Variants in NUMB observed in about 807,000 individuals in gnomAD.
The protein encoded by NUMB is protein numb homolog.
In NUMB, 29 loss-of-function variants were observed where a neutral mutation model predicts 59.7. That is an observed-to-expected ratio of 0.49 (90% CI 0.36 to 0.66). The LOEUF (loss-of-function observed/expected upper bound fraction) is 0.66, where lower values mean the gene tolerates loss of function less well. NUMB is among the 30% of genes least tolerant of loss of function. NUMB has a pLI of 0.00. For missense variants in NUMB, 723 were observed against 822.0 expected (o/e 0.88, Z 1.47); for synonymous variants, 288 against 288.2 (o/e 1.00, Z 0.01).
At chr14:73,363,372 A>C in intron 3 of NUMB, among the ~76,000 whole-genome samples, 1 of 152,172 alleles carries the variant, frequency 6.6e-6, no homozygotes. Context: ...AACTGACCTA[A>C]CTAGAAACAC....
chr14:73,302,405 CTTTTTTTTTTTT>C (rs71112726), intron 6 of NUMB, among the ~76,000 whole-genome samples: 1 of 115,054 alleles, frequency 8.7e-6, no homozygotes, highest in African/African-American at 3.5e-5. Flanking sequence ...TTCCACATTT[CTTTTTTTTTTTT>C]TTTTTTTTGA....
chr14:73,413,419 T>G (rs1463345300), intron 1 of NUMB, among the ~76,000 whole-genome samples: 2 of 151,864 alleles, frequency 1.3e-5, no homozygotes, highest in African/African-American at 4.8e-5. Context: ...AAAATCAGAT[T>G]TTACCAGAAC....
At chr14:73,384,128 C>T (rs974781335) in intron 2 of NUMB, among the ~76,000 whole-genome samples, 2 of 151,664 alleles carry the variant, frequency 1.3e-5, no homozygotes, top group African/African-American at 4.8e-5. Flanking sequence ...CCCAATAAAA[C>T]TATCCTTTTA....
intron 1 of NUMB, among the ~76,000 whole-genome samples, chr14:73,445,999 C>CTT (rs746539232): frequency 1.6e-4 from 23 of 139,854 alleles, no homozygotes; most frequent in African/African-American, 3.4e-4. Context: ...ATAACTTTTT[C>CTT]TTTTTTTTTT....
At chr14:73,350,385 C>A (rs1313356906) in intron 4 of NUMB, among the ~76,000 whole-genome samples, 1 of 151,670 alleles carries the variant, frequency 6.6e-6, no homozygotes, top group Non-Finnish European at 1.5e-5. Context: ...GTTGCCCAGG[C>A]TGGTCTCGAA....
chr14:73,455,475 C>T (rs1884296189), intron 1 of NUMB, among the ~76,000 whole-genome samples: 2 of 152,180 alleles, frequency 1.3e-5, no homozygotes, highest in Admixed American at 1.3e-4. Context: ...AAGTTTACAA[C>T]ATGTACCACA....
At chr14:73,305,719 A>C (rs1303605086) in intron 6 of NUMB, among the ~76,000 whole-genome samples, 3 of 152,238 alleles carry the variant, frequency 2.0e-5, no homozygotes, top group Admixed American at 6.5e-5. Flanking sequence ...CACTCTCAGA[A>C]CAACAGTGAT....
intron 1 of NUMB, among the ~76,000 whole-genome samples, chr14:73,436,597 C>G (rs1399096848): frequency 6.6e-6 from 1 of 151,998 alleles, no homozygotes; most frequent in Admixed American, 6.6e-5. Context: ...AGATTACAAG[C>G]GTGAGCCACC....
chr14:73,278,534 T>C (rs763457668), intron 12 of NUMB, among the ~76,000 whole-genome samples: 8 of 151,250 alleles, frequency 5.3e-5, no homozygotes, highest in Non-Finnish European at 1.0e-4. Flanking sequence ...AAAAAAAAAC[T>C]TTTTGGTTTT....
chr14:73,390,501 C>T (rs1035283385), intron 2 of NUMB, among the ~76,000 whole-genome samples: 5 of 151,964 alleles, frequency 3.3e-5, no homozygotes, highest in Admixed American at 1.3e-4. Context: ...TCTTTGAAGC[C>T]TTCCCCAATC....
At chr14:73,383,038 T>G (rs1190594106) in intron 2 of NUMB, among the ~76,000 whole-genome samples, 1 of 152,078 alleles carries the variant, frequency 6.6e-6, no homozygotes, top group Non-Finnish European at 1.5e-5. Context: ...CCCAGCTACT[T>G]GGGAGGCTGA....
chr14:73,414,804 C>A (rs1897054786), intron 1 of NUMB, among the ~76,000 whole-genome samples: 1 of 152,124 alleles, frequency 6.6e-6, no homozygotes, highest in Non-Finnish European at 1.5e-5. Context: ...ACTGCAAGCT[C>A]CGCCTCCCGG....
intron 1 of NUMB, among the ~76,000 whole-genome samples, chr14:73,433,354 G>A (rs566091577): frequency 2.6e-5 from 4 of 151,914 alleles, no homozygotes; most frequent in African/African-American, 9.7e-5. Context: ...CCCGGGAGAC[G>A]GAGGTTGCAG....
intron 1 of NUMB, among the ~76,000 whole-genome samples, chr14:73,448,558 T>C (rs1486186542): frequency 2.6e-5 from 4 of 152,146 alleles, no homozygotes; most frequent in South Asian, 2.1e-4. Context: ...CTAAGGAAGA[T>C]ACAGGGCTTA....
At chr14:73,446,770 T>A (rs1195567318) in intron 1 of NUMB, among the ~76,000 whole-genome samples, 1 of 150,852 alleles carries the variant, frequency 6.6e-6, no homozygotes, top group Non-Finnish European at 1.5e-5. Context: ...AAAAAAAAAA[T>A]TAATAAATAA....
Position 73,275,869 on chromosome 14 carries a change from A to AATCT in NUMB, c.*705_*708dup, listed in dbSNP as rs1432430198. The AATCT allele has an allele frequency of 3.3e-5, 5 of 152,000 alleles. No individual in the cohort carries two copies. Among genetic ancestry groups the AATCT allele is most frequent in the Non-Finnish European group, 7.3e-5 (5 of 68,042 alleles). The allele number at this position is 152,000 out of a possible 1,614,324, so 9.4% of individuals were successfully genotyped here. The stretch of plus-strand genomic sequence containing the variant: ...TTTCAGTAGGCATCAATGATAAATC[A>AATCT]ATCTTATGTACAATTTCTTACAACT... On this transcript the variant is annotated 3_prime_UTR_variant, in exon 13 of 13. Transcript: ENST00000555238.
chr14:73,344,102 CTT>C (rs1328987188), intron 4 of NUMB, among the ~76,000 whole-genome samples: 1 of 152,078 alleles, frequency 6.6e-6, no homozygotes, highest in African/African-American at 2.4e-5. Flanking sequence ...GTATTACCAA[CTT>C]TATCTATGTT....
intron 2 of NUMB, among the ~76,000 whole-genome samples, chr14:73,367,348 T>TATATAGAGAGAGAGAGAGAGAGAG (rs1555375287): frequency 5.7e-5 from 6 of 105,312 alleles, no homozygotes; most frequent in East Asian, 2.5e-4. Flanking sequence ...TATATATATA[T>TATATAGAGAGAGAGAGAGAGAGAG]AGAGAGAGAG....
intron 1 of NUMB, among the ~76,000 whole-genome samples, chr14:73,432,337 A>G (rs1294640738): frequency 6.6e-6 from 1 of 152,112 alleles, no homozygotes; most frequent in Non-Finnish European, 1.5e-5. Flanking sequence ...GGGATAGGCA[A>G]ATAACACAAG....
Sources: gnomAD v4.1 joint callset for allele counts (sites outside exome capture counted in the v4.1 genomes callset) on GRCh38, gnomAD v4.1.1 for gene constraint, MANE v1.5 for transcripts, NCBI Gene and HGNC (gene_info 2026-07-23, HGNC 2026-07-21) for gene names.